Variants in SYK observed in about 807,000 individuals in gnomAD.
SYK encodes the protein spleen associated tyrosine kinase.
In SYK, 16 loss-of-function variants were observed where a neutral mutation model predicts 77.8. The observed-to-expected ratio is 0.21, with a 90% confidence interval of 0.14 to 0.31. The LOEUF is 0.31. Among genes scored for constraint, SYK ranks in the 10% least tolerant of loss-of-function variants. The pLI is 1.00. For missense variants in SYK, 529 were observed against 814.4 expected (o/e 0.65, Z 4.26); for synonymous variants, 312 against 308.7 (o/e 1.01, Z -0.11).
chr9:90,829,451 G>A (rs1032258127), intron 1 of SYK, among the ~76,000 whole-genome samples: 17 of 152,224 alleles, frequency 1.1e-4, no homozygotes, highest in African/African-American at 4.1e-4. Context: ...GGACATGTGA[G>A]CTTTCATGAG....
intron 1 of SYK, among the ~76,000 whole-genome samples, chr9:90,819,357 G>A (rs1161223601): frequency 6.6e-6 from 1 of 152,150 alleles, no homozygotes; most frequent in Admixed American, 6.5e-5. Context: ...GACCATTTGA[G>A]GTCATACACA....
At chr9:90,893,259 G>T (rs941829088) in intron 13 of SYK, among the ~76,000 whole-genome samples, 2 of 152,222 alleles carry the variant, frequency 1.3e-5, no homozygotes, top group Admixed American at 6.5e-5. Flanking sequence ...TATATATGGG[G>T]TTTTTTAAGC....
At chr9:90,839,009 G>A (rs749110599) in intron 1 of SYK, among the ~76,000 whole-genome samples, 4 of 152,166 alleles carry the variant, frequency 2.6e-5, no homozygotes, top group Non-Finnish European at 5.9e-5. Context: ...GAGACTCTCT[G>A]GATTTGCCAT....
intron 1 of SYK, among the ~76,000 whole-genome samples, chr9:90,842,795 G>T (rs1826425602): frequency 6.7e-6 from 1 of 149,656 alleles, no homozygotes; most frequent in South Asian, 2.1e-4. Flanking sequence ...GTGTGTGTGT[G>T]TGTACCATGA....
chr9:90,821,500 A>G (rs751104280), intron 1 of SYK, among the ~76,000 whole-genome samples: 1 of 152,204 alleles, frequency 6.6e-6, no homozygotes, highest in African/African-American at 2.4e-5. Flanking sequence ...ATCTCATGAG[A>G]CTTATTCACT....
At chr9:90,805,259 C>T (rs1432518175) in intron 1 of SYK, among the ~76,000 whole-genome samples, 3 of 152,190 alleles carry the variant, frequency 2.0e-5, no homozygotes, top group Non-Finnish European at 4.4e-5. Context: ...CTTTCTGGTC[C>T]TCTGCTCAGA....
intron 7 of SYK, among the ~76,000 whole-genome samples, chr9:90,870,154 A>G (rs573921044): frequency 2.6e-5 from 4 of 152,370 alleles, no homozygotes; most frequent in Non-Finnish European, 5.9e-5. Context: ...CTTATAAAGT[A>G]TAAACAAAAT....
intron 1 of SYK, among the ~76,000 whole-genome samples, chr9:90,803,578 T>C (rs1202194894): frequency 6.6e-6 from 1 of 152,128 alleles, no homozygotes; most frequent in Non-Finnish European, 1.5e-5. Context: ...ATCACCCTGA[T>C]CTTTGTTAGG....
At chr9:90,847,576 C>T (rs1180092413) in intron 3 of SYK, among the ~76,000 whole-genome samples, 1 of 152,264 alleles carries the variant, frequency 6.6e-6, no homozygotes. Context: ...GCAGGGCTCA[C>T]CTGTGGACTG....
At position 90,822,803 on chromosome 9, in the gene SYK, A is replaced by C. The variant is rs138601634; in HGVS notation, c.-42+20910A>C. 3.9e-3 allele frequency among the ~76,000 whole-genome samples: 591 copies of C among 152,320 alleles called. 9 individuals are homozygous for C. The highest frequency in any genetic ancestry group is 0.013 in the African/African-American group (543 of 41,560). On this transcript the variant is annotated intron_variant, in intron 1 of 13. Coordinates refer to ENST00000375754, the MANE Select transcript of SYK (RefSeq NM_003177.7). ...GTCTTACTTGCAGTCCACACAGCTC[A>C]GGTACAAGGCCCCTGAGGTCCACAC... is the stretch of plus-strand genomic sequence containing the variant.
In SYK at chr9:90,897,414, G is replaced by A. The variant is rs1829032462; in HGVS notation, c.*1814G>A. On this transcript the variant is annotated 3_prime_UTR_variant, in exon 14 of 14. Transcript: ENST00000375754. ...AAGATCAATGACAAAATATCTGTCA[G>A]CCAGGCCACAAACAGGTGTAAAATT... The A allele has an allele frequency of 2.2e-5, 5 of 232,006 alleles. No individual in the cohort carries two copies. The highest frequency in any genetic ancestry group is 5.6e-5 in the Admixed American group (1 of 17,740). 14.4% of individuals were successfully genotyped at this position (232,006 alleles called of 1,614,324 possible).
In SYK at chr9:90,862,705, C is replaced by G. The variant is rs144185876; in HGVS notation, c.717+361C>G. Among the ~76,000 whole-genome samples, 27 of 152,352 alleles carry G rather than the reference C, an allele frequency of 1.8e-4. No individual in the cohort carries two copies. In the East Asian group the frequency reaches 4.6e-3, roughly 26 times the overall value. ...TGTGTTCAGAGTTTAACAAGACACT[C>G]TCTTTGGAGATCTAGAAAATATTTC... On this transcript the variant is annotated intron_variant, in intron 4 of 13. Transcript: ENST00000375754.
intron 9 of SYK, among the ~76,000 whole-genome samples, chr9:90,877,298 C>T (rs943097804): frequency 2.6e-5 from 4 of 152,204 alleles, no homozygotes; most frequent in East Asian, 1.9e-4. Flanking sequence ...CCCTTTCAAC[C>T]TCCCAAAGTA....
intron 3 of SYK, among the ~76,000 whole-genome samples, chr9:90,846,068 G>C (rs1826581171): frequency 6.6e-6 from 1 of 152,218 alleles, no homozygotes; most frequent in Non-Finnish European, 1.5e-5. Flanking sequence ...GTGAGTGCAG[G>C]TTTGAAGACT....
Position 90,862,258 on chromosome 9 carries a change from G to A in SYK, c.631G>A (p.Gly211Arg). Residue 211 changes from glycine (G) to arginine (R), a missense_variant, in exon 4 of 14, where the codon GGG becomes AGG. Around this residue, in one of 2 missense-constraint regions of SYK, gnomAD observed 321 missense variants for 433.1 expected, o/e 0.74. Transcript: ENST00000375754. ...GSYALCLLHEGKVLHYRIDKD... is the reference protein window; with the variant it reads ...GSYALCLLHERKVLHYRIDKD... ...CTACGCCCTGTGCCTGCTGCACGAA[G>A]GGAAGGTGCTGCACTATCGCATCGA... 6.2e-7 allele frequency: 1 copy of A among 1,614,106 alleles called. No individual in the cohort carries two copies. Among genetic ancestry groups the A allele is most frequent in the Non-Finnish European group, 8.5e-7 (1 of 1,179,956 alleles).
At chr9:90,865,430 C>T (rs1159000389) in intron 6 of SYK, among the ~76,000 whole-genome samples, 1 of 152,030 alleles carries the variant, frequency 6.6e-6, no homozygotes, top group Non-Finnish European at 1.5e-5. Context: ...GCCTCAGCCT[C>T]CCGAGTAGCT....
intron 1 of SYK, among the ~76,000 whole-genome samples, chr9:90,817,552 G>GT (rs953027667): frequency 2.0e-5 from 3 of 151,676 alleles, no homozygotes; most frequent in African/African-American, 7.3e-5. Flanking sequence ...ATTGTTTTTT[G>GT]TTTTTTGTTT....
At chr9:90,812,456 A>G (rs1825117887) in intron 1 of SYK, among the ~76,000 whole-genome samples, 1 of 152,184 alleles carries the variant, frequency 6.6e-6, no homozygotes. Flanking sequence ...CAGGTCCTGA[A>G]GCCCAGGCCA....
At chr9:90,874,897 C>G (rs1331198885) in intron 9 of SYK, 48 bp downstream of exon 9, 2 of 1,592,170 alleles carry the variant, frequency 1.3e-6, no homozygotes, top group Non-Finnish European at 1.7e-6. Flanking sequence ...AGCTCAGGTT[C>G]TAGACATGAC....
Sources: allele counts gnomAD v4.1 joint callset (sites outside exome capture counted in the v4.1 genomes callset), GRCh38; gene constraint gnomAD v4.1.1; regional missense constraint gnomAD v4.1.1; transcripts MANE v1.5; gene names NCBI Gene and HGNC (gene_info 2026-07-23, HGNC 2026-07-21).